The following LRGUK variants were observed in gnomAD, a reference collection of about 807,000 sequenced individuals.
LRGUK encodes the protein leucine-rich repeat and guanylate kinase domain-containing protein.
LRGUK carries 65 observed loss-of-function variants against 76.0 expected under a neutral mutation model. The observed-to-expected ratio is 0.85, with a 90% CI of 0.70 to 1.05. The LOEUF (loss-of-function observed/expected upper bound fraction) is 1.05. Among genes scored for constraint, LRGUK ranks in the 50% least tolerant of loss-of-function variants. The pLI is 0.00. For missense variants in LRGUK, 758 were observed against 732.8 expected, an observed-to-expected ratio of 1.03 and a Z score of -0.40; for synonymous variants, 268 against 265.6, an observed-to-expected ratio of 1.01 and a Z score of -0.09.
At chr7:134,274,573 G>T in the LRGUK span, among the ~76,000 whole-genome samples, 1 of 151,244 alleles carries the variant, frequency 6.6e-6, no homozygotes, top group Non-Finnish European at 1.5e-5. Context: ...TGGGATTTTA[G>T]TACCTAATTA....
chr7:134,184,692 T>A lies in LRGUK; in HGVS notation c.1334+839T>A, dbSNP rs1799909383. Among the ~76,000 whole-genome samples, 3 of 152,200 alleles carry A rather than the reference T, an allele frequency of 2.0e-5. No homozygotes were observed. In the South Asian group the frequency reaches 6.2e-4, roughly 31 times the overall value. On this transcript the variant is annotated intron_variant, in intron 11 of 15. Coordinates refer to ENST00000645682, the Ensembl canonical transcript of LRGUK. ...AACCAGCATGGCTCATTCATGCTGT[T>A]CCCCACCTTTTCCATAAAAGGCTTA...
intron 11 of LRGUK, among the ~76,000 whole-genome samples, chr7:134,190,496 C>T (rs926964892): frequency 5.3e-5 from 8 of 152,246 alleles, no homozygotes; most frequent in Non-Finnish European, 1.2e-4. Flanking sequence ...GAATAAGCTA[C>T]TGTGCCTGGC....
chr7:134,166,955 T>G (rs540518937), intron 7 of LRGUK, among the ~76,000 whole-genome samples: 1 of 152,340 alleles, frequency 6.6e-6, no homozygotes, highest in South Asian at 2.1e-4. Context: ...TGAATTTAAT[T>G]TCTCTCTGGA....
intron 7 of LRGUK, among the ~76,000 whole-genome samples, chr7:134,164,968 T>C (rs1798908908): frequency 6.6e-6 from 1 of 152,192 alleles, no homozygotes. Flanking sequence ...CCACACAATC[T>C]CCATCTCATG....
At chr7:134,199,688 A>C (rs1221062900) in intron 14 of LRGUK, among the ~76,000 whole-genome samples, 1 of 152,022 alleles carries the variant, frequency 6.6e-6, no homozygotes, top group East Asian at 1.9e-4. Context: ...GGACATTGTG[A>C]GAACAAAGTT....
intron 18 of LRGUK, among the ~76,000 whole-genome samples, chr7:134,251,077 CAT>C (rs1167122482): frequency 6.6e-6 from 1 of 152,146 alleles, no homozygotes; most frequent in African/African-American, 2.4e-5. Context: ...TTTCCCAAAA[CAT>C]ATGTGTTATG....
chr7:134,163,704 G>T (rs1798856865), intron 7 of LRGUK, among the ~76,000 whole-genome samples, 164 bp downstream of exon 7: 1 of 152,178 alleles, frequency 6.6e-6, no homozygotes, highest in East Asian at 1.9e-4. Context: ...CAGAAGGGTT[G>T]TTTTTAAAAA....
intron 5 of LRGUK, among the ~76,000 whole-genome samples, chr7:134,150,199 C>T (rs950236188): frequency 7.3e-5 from 11 of 151,688 alleles, no homozygotes; most frequent in Admixed American, 1.3e-4. Context: ...GGCATGAACC[C>T]GGGAGGCAGA....
In LRGUK at chr7:134,199,294, T is replaced by G; in HGVS notation, c.1620T>G (p.Tyr540Ter). 1 of 1,613,810 alleles carries G rather than the reference T, an allele frequency of 6.2e-7. No individual in the cohort carries two copies. The change falls in exon 14 of 16, where the codon TAT (tyrosine) becomes TAG (stop). Residue 540 changes from tyrosine (Y) to a stop codon, truncating the protein, a stop_gained. Transcript: ENST00000645682. LOFTEE classifies it high-confidence loss of function. ...TGGTGCCCATGAACAAGGAAAAATA[T>G]GAGGGATATTTGCGGAGAAAAGGAT...
In LRGUK at chr7:134,138,915, G is replaced by A. The variant is rs1797643587; in HGVS notation, c.406-521G>A. 2.0e-5 allele frequency among the ~76,000 whole-genome samples: 3 copies of A among 152,140 alleles called. No individual in the cohort carries two copies. In the South Asian group the frequency reaches 6.2e-4, roughly 32 times the overall value. On this transcript the variant is annotated intron_variant, in intron 2 of 15. Coordinates refer to ENST00000645682, the Ensembl canonical transcript of LRGUK. ...CTCACATCCCTCATCTCTAAATTGG[G>A]AATAAGCTGCCCTACAGATTTCACA...
chr7:134,171,622 G>A (rs554740696), intron 7 of LRGUK, among the ~76,000 whole-genome samples: 1 of 152,168 alleles, frequency 6.6e-6, no homozygotes, highest in South Asian at 2.1e-4. Context: ...GTGGACTATC[G>A]TCAATAGGGG....
intron 10 of LRGUK, among the ~76,000 whole-genome samples, chr7:134,180,164 G>A (rs1210134498): frequency 6.6e-6 from 1 of 152,184 alleles, no homozygotes; most frequent in Non-Finnish European, 1.5e-5. Context: ...CCCAGTTTTA[G>A]TGAAAAATAG....
intron 5 of LRGUK, among the ~76,000 whole-genome samples, chr7:134,150,200 G>A (rs1045959721): frequency 5.9e-5 from 9 of 151,968 alleles, no homozygotes; most frequent in East Asian, 1.9e-4. Flanking sequence ...GCATGAACCC[G>A]GGAGGCAGAG....
intron 10 of LRGUK, among the ~76,000 whole-genome samples, chr7:134,181,915 T>C (rs1799768588): frequency 6.6e-6 from 1 of 152,158 alleles, no homozygotes; most frequent in Non-Finnish European, 1.5e-5. Context: ...ACATGTAGAT[T>C]CATCTTAGCA....
chr7:134,129,584 T>A (rs1169302992), intron 1 of LRGUK, among the ~76,000 whole-genome samples: 1 of 150,386 alleles, frequency 6.6e-6, no homozygotes, highest in Non-Finnish European at 1.5e-5. Flanking sequence ...GTAATCCTCC[T>A]GCCTCAGCCT....
chr7:134,209,253 C>T (rs575657966), exon 16 of LRGUK: 2 of 399,130 alleles, frequency 5.0e-6, no homozygotes, highest in African/African-American at 2.1e-5. Context: ...GGACCTGGCC[C>T]CACTCCCCTC....
chr7:134,191,830 A>C (rs1800265609), intron 12 of LRGUK, 79 bp downstream of exon 12: 1 of 991,854 alleles, frequency 1.0e-6, no homozygotes, highest in Non-Finnish European at 1.5e-6. Flanking sequence ...AGTTATAAAT[A>C]AAAAAAGGAA....
chr7:134,198,829 T>TGCTCC (rs1800627891), intron 13 of LRGUK, among the ~76,000 whole-genome samples: 1 of 152,220 alleles, frequency 6.6e-6, no homozygotes, highest in Non-Finnish European at 1.5e-5. Flanking sequence ...TTCTCCCTGG[T>TGCTCC]AAGATCTCTA....
At chr7:134,194,190 T>C (rs1025342295) in intron 12 of LRGUK, among the ~76,000 whole-genome samples, 4 of 152,150 alleles carry the variant, frequency 2.6e-5, no homozygotes. Flanking sequence ...AACCACTTAA[T>C]CCCAATTCTT....
Sources: allele counts gnomAD v4.1 joint callset (sites outside exome capture counted in the v4.1 genomes callset), GRCh38; gene constraint gnomAD v4.1.1; transcripts MANE v1.5; gene names NCBI Gene and HGNC (gene_info 2026-07-23, HGNC 2026-07-21).